Variants in TCOF1 observed in about 807,000 individuals in gnomAD.
TCOF1 encodes treacle protein.
A neutral mutation model predicts 149.0 loss-of-function variants in TCOF1; 33 were observed. The observed-to-expected ratio is 0.22, with a 90% CI of 0.17 to 0.30. The LOEUF (loss-of-function observed/expected upper bound fraction) is 0.30. Among genes scored for constraint, TCOF1 ranks in the 10% least tolerant of loss-of-function variants. The probability of loss-of-function intolerance (pLI) is 1.00; values close to 1 mark genes in which losing one functional copy is unlikely to be tolerated. For synonymous variants in TCOF1, 789 were observed against 738.8 expected, an observed-to-expected ratio of 1.07 and a Z score of -1.10; for missense variants, 1,728 against 1,840.7, an observed-to-expected ratio of 0.94 and a Z score of 1.12.
intron 19 of TCOF1, among the ~76,000 whole-genome samples, chr5:150,390,548 G>A (rs1438649315): frequency 2.6e-5 from 4 of 152,076 alleles, no homozygotes; most frequent in Non-Finnish European, 5.9e-5. Context: ...GCCGGAACCC[G>A]GGTCTTCTGA....
chr5:150,392,293 AGCCTGG>A, intron 21 of TCOF1, 117 bp downstream of exon 21: 1 of 1,053,608 alleles, frequency 9.5e-7, no homozygotes, highest in Non-Finnish European at 1.4e-6. Flanking sequence ...CCTGTGGCTG[AGCCTGG>A]GCCTCAGTTT....
chr5:150,390,732 A>G (rs1025593175), intron 19 of TCOF1, among the ~76,000 whole-genome samples: 4 of 152,106 alleles, frequency 2.6e-5, no homozygotes, highest in Non-Finnish European at 5.9e-5. Context: ...CTCCAGGTCA[A>G]AAACTTCTGG....
In TCOF1 at chr5:150,375,878, A is replaced by C; in HGVS notation, c.1862A>C (p.Glu621Ala). The part of the protein sequence containing the change: ...SEESSDSADS[E>A]EAPAAMTAAQ... ...GAGTCATCGGACAGTGCGGACAGTG[A>C]GGAGGCACCAGCAGCCATGACTGCA... The change falls in exon 12 of 27, where the codon GAG (glutamate) becomes GCG (alanine). Residue 621 changes from glutamate to alanine, a missense_variant. Around this residue, in one of 2 missense-constraint regions of TCOF1, gnomAD observed 1,696 missense variants for 1,765.4 expected, o/e 0.96. Transcript: ENST00000643257. The C allele has an allele frequency of 6.2e-7, 1 of 1,614,096 alleles. No individual in the cohort carries two copies. The highest frequency in any genetic ancestry group is 8.5e-7 in the Non-Finnish European group (1 of 1,180,022).
Position 150,374,321 on chromosome 5 carries a change from G to A in TCOF1, c.1018G>A (p.Glu340Lys), listed in dbSNP as rs1302388064. Residue 340 changes from glutamate (E) to lysine (K), a missense_variant, in exon 8 of 27, where the codon GAG (glutamate) becomes AAG (lysine). By Grantham distance (56) the Glu-to-Lys change is moderately conservative. Coordinates refer to ENST00000643257, the MANE Select transcript of TCOF1 (RefSeq NM_001371623.1). ...TKAGKPEEDS[E>K]SSSEESSDSE... ...GGCAGGGAAGCCAGAGGAGGACTCA[G>A]AGAGCAGCAGCGAGGAGTCATCTGA... The A allele has an allele frequency of 6.3e-7, 1 of 1,577,880 alleles. No homozygotes were observed. The highest frequency in any genetic ancestry group is 8.6e-7 in the Non-Finnish European group (1 of 1,160,962).
rs1769501067 is a variant in TCOF1 at position 150,400,269 on chromosome 5, A to C, written c.*482A>C. The C allele has an allele frequency of 6.6e-6, 1 of 151,704 alleles. No individual in the cohort carries two copies. Among genetic ancestry groups the C allele is most frequent in the Non-Finnish European group, 1.5e-5 (1 of 67,858 alleles). 9.4% of individuals were successfully genotyped at this position (151,704 alleles called of 1,614,324 possible). The stretch of plus-strand genomic sequence containing the variant: ...TTTTTTTTTTAATAACTCAAAAAAA[A>C]AATAAAAGACTTGGAGGAAGGGTGC... On this transcript the variant is annotated 3_prime_UTR_variant, in exon 27 of 27. Coordinates refer to ENST00000643257, the MANE Select transcript of TCOF1 (RefSeq NM_001371623.1).
Position 150,387,841 on chromosome 5 carries a change from A to G in TCOF1, c.2860-61A>G, listed in dbSNP as rs1020598779. 9.3e-6 allele frequency: 15 copies of G among 1,606,978 alleles called. No individual in the cohort carries two copies. The South Asian group carries it at 1.3e-4, about 14-fold the overall frequency. On this transcript the variant is annotated intron_variant, in intron 17 of 26. Coordinates refer to ENST00000643257, the MANE Select transcript of TCOF1 (RefSeq NM_001371623.1). ...TTGTAAAACACTCCCTAACCCCATC[A>G]CCTCCTTTCCCTGGCCAAGCCTTTA...
rs73270857 is a variant in TCOF1 at position 150,391,343 on chromosome 5, C to T, written c.3184-201C>T. Among the ~76,000 whole-genome samples the T allele has an allele frequency of 6.1e-3, 936 of 152,304 alleles. 12 individuals are homozygous for T. Among genetic ancestry groups the T allele is most frequent in the African/African-American group, 0.02 (825 of 41,562 alleles). On this transcript the variant is annotated intron_variant, in intron 19 of 26. Transcript: ENST00000643257. ...GTGGGGCCTAAGCTGCTTCCCTGCC[C>T]TGGGCTGGGAACTGTCCCTTGCTCC...
chr5:150,374,883 T>G lies in TCOF1; in HGVS notation c.1279-71T>G, dbSNP rs1763377285. 3 of 1,608,986 alleles carry G rather than the reference T, an allele frequency of 1.9e-6. No homozygotes were observed. In the African/African-American group the frequency reaches 4.1e-5, roughly 22 times the overall value. ...AGCACCTGCATGGGTGTGGCCACCT[T>G]TGCCACATCCAGCTCCTGTCTCCAC... On this transcript the variant is annotated intron_variant, in intron 9 of 26. Transcript: ENST00000643257.
intron 21 of TCOF1, 128 bp downstream of exon 21, chr5:150,392,304 C>G (rs1160438942): frequency 1.1e-6 from 1 of 909,374 alleles, no homozygotes; most frequent in Non-Finnish European, 1.6e-6. Flanking sequence ...GCCTGGGCCT[C>G]AGTTTCCCCA....
intron 17 of TCOF1, chr5:150,379,973 G>A (rs1764717239): frequency 2.1e-6 from 1 of 473,560 alleles, no homozygotes; most frequent in South Asian, 1.9e-5. Context: ...TCGGGAGGCT[G>A]AGGCAGGAGA....
rs550986093 is a variant in TCOF1, at chr5:150,378,988, C to A, written c.2424C>A (p.Ala808=). The A allele has an allele frequency of 1.2e-6, 2 of 1,613,960 alleles. No individual in the cohort carries two copies. The highest frequency in any genetic ancestry group is 1.3e-5 in the African/African-American group (1 of 74,890). The change falls in exon 15 of 27, where the codon GCC becomes GCA. Residue 808 remains alanine, a synonymous_variant. Transcript: ENST00000643257. Reference sequence around the variant, plus strand: ...CTTCAGCAAAAGGGACAATTTCAGCCCCTGGAAAAGTTGTCACTGCAGCTG... The same window carrying A: ...CTTCAGCAAAAGGGACAATTTCAGCACCTGGAAAAGTTGTCACTGCAGCTG... The part of the protein sequence containing the change: ...RAPSAKGTIS[A]PGKVVTAAAQ...
chr5:150,392,674 G>C, intron 21 of TCOF1, 31 bp from the exon 22 acceptor site: 3 of 1,612,272 alleles, frequency 1.9e-6, no homozygotes, highest in Non-Finnish European at 2.5e-6. Flanking sequence ...GGGCCACCTG[G>C]GGCTACCAAC....
chr5:150,363,771 A>G (rs891416918), intron 2 of TCOF1, among the ~76,000 whole-genome samples: 1 of 152,214 alleles, frequency 6.6e-6, no homozygotes, highest in Non-Finnish European at 1.5e-5. Flanking sequence ...AAGGCACAGT[A>G]CACACAGCAT....
intron 22 of TCOF1, 22 bp from the exon 23 acceptor site, chr5:150,393,350 C>T: frequency 6.2e-7 from 1 of 1,613,876 alleles, no homozygotes; most frequent in African/African-American, 1.3e-5. Context: ...GTGGCAGCCT[C>T]TTTCACAATG....
rs930618263 is a variant in TCOF1, at chr5:150,373,756, C to T, written c.871-418C>T. Among the ~76,000 whole-genome samples the T allele has an allele frequency of 3.9e-5, 6 of 152,266 alleles. No homozygotes were observed. The South Asian group carries it at 6.2e-4, about 16-fold the overall frequency. On this transcript the variant is annotated intron_variant, in intron 7 of 26. Coordinates refer to ENST00000643257, the MANE Select transcript of TCOF1 (RefSeq NM_001371623.1). Reference sequence around the variant, plus strand: ...CTTCCCTTCCCTGGGCCTTTGCACACCCCCTCCCCACAGCCCAGTCTGATG... The same window carrying T: ...CTTCCCTTCCCTGGGCCTTTGCACATCCCCTCCCCACAGCCCAGTCTGATG...
In TCOF1 at chr5:150,393,454, G is replaced by A. The variant is rs1246505871; in HGVS notation, c.3686G>A (p.Ser1229Asn). The A allele has an allele frequency of 6.2e-7, 1 of 1,614,148 alleles. No homozygotes were observed. Among genetic ancestry groups the A allele is most frequent in the Non-Finnish European group, 8.5e-7 (1 of 1,180,032 alleles). ...AAAGCCACTCCCAAGCTAGACTCCA[G>A]CCCCTCAGTTTCCTCTACTCTGGCC... ...ASKATPKLDS[S>N]PSVSSTLAAK... is the part of the protein sequence containing the mutation. The change falls in exon 23 of 27, where the codon AGC (serine) becomes AAC (asparagine). Residue 1229 changes from serine to asparagine, a missense_variant. Ser to Asn is a conservative substitution (Grantham distance 46, BLOSUM62 1). This residue lies in a region of TCOF1 where 1,696 missense variants were observed against 1,765.4 expected (regional missense o/e 0.96). Coordinates refer to ENST00000643257, the MANE Select transcript of TCOF1 (RefSeq NM_001371623.1).
At chr5:150,360,173 G>T (rs1006697245) in intron 1 of TCOF1, among the ~76,000 whole-genome samples, 2 of 152,180 alleles carry the variant, frequency 1.3e-5, no homozygotes, top group African/African-American at 2.4e-5. Context: ...GGTAGGTATC[G>T]CTGTTGTCCC....
intron 16 of TCOF1, 38 bp downstream of exon 16, chr5:150,379,446 A>T (rs751103259): frequency 7.4e-6 from 12 of 1,613,872 alleles, no homozygotes; most frequent in East Asian, 2.2e-5. Flanking sequence ...CCTACATGGG[A>T]TGTAACACCT....
chr5:150,384,255 A>G (rs1765821429), intron 17 of TCOF1: 8 of 990,630 alleles, frequency 8.1e-6, no homozygotes, highest in South Asian at 4.6e-5. Context: ...CACCACCAAC[A>G]TCGGTAACTC....
Sources: allele counts gnomAD v4.1 joint callset (sites outside exome capture counted in the v4.1 genomes callset), GRCh38; gene constraint gnomAD v4.1.1; regional missense constraint gnomAD v4.1.1; transcripts MANE v1.5; gene names NCBI Gene and HGNC (gene_info 2026-07-23, HGNC 2026-07-21).